The following ARB2A variants were observed in gnomAD, a reference collection of about 807,000 sequenced individuals.
ARB2A encodes cotranscriptional regulator ARB2A.
At chr5:93,829,186 C>T in the ARB2A span, among the ~76,000 whole-genome samples, 4 of 152,300 alleles carry the variant, frequency 2.6e-5, no homozygotes, top group Admixed American at 2.6e-4. Flanking sequence ...ATATCTTTCA[C>T]CATTGCCCTA....
At chr5:93,640,506 T>G in the ARB2A span, among the ~76,000 whole-genome samples, 4 of 151,834 alleles carry the variant, frequency 2.6e-5, no homozygotes, top group South Asian at 6.2e-4. Flanking sequence ...GATACTGAAC[T>G]CAATCCTAAA....
chr5:93,762,111 G>A, the ARB2A span, among the ~76,000 whole-genome samples: 6 of 152,184 alleles, frequency 3.9e-5, no homozygotes, highest in Admixed American at 3.3e-4. Flanking sequence ...AAGAAACAGA[G>A]CAGAAAAACT....
chr5:93,621,062 G>A, the ARB2A span: 1 of 1,612,314 alleles, frequency 6.2e-7, no homozygotes, highest in Admixed American at 1.7e-5. Flanking sequence ...TGGCCTCTGA[G>A]GCTTCGGTAA....
At chr5:93,740,966 A>G in the ARB2A span, 2 of 1,613,736 alleles carry the variant, frequency 1.2e-6, no homozygotes, top group Non-Finnish European at 1.7e-6. Flanking sequence ...TCCATTTTGC[A>G]TAAGCCCAGA....
chr5:93,794,632 G>A, the ARB2A span, among the ~76,000 whole-genome samples: 2 of 152,098 alleles, frequency 1.3e-5, no homozygotes, highest in East Asian at 1.9e-4. Context: ...GTGTTCTCCC[G>A]CTTCCCCTAA....
chr5:93,676,243 C>T, the ARB2A span, among the ~76,000 whole-genome samples: 1 of 152,078 alleles, frequency 6.6e-6, no homozygotes, highest in Admixed American at 6.5e-5. Context: ...AAAAAAAATG[C>T]TGTGTGACAC....
At chr5:93,793,379 C>T in the ARB2A span, among the ~76,000 whole-genome samples, 2 of 151,284 alleles carry the variant, frequency 1.3e-5, no homozygotes, top group African/African-American at 4.9e-5. Context: ...TCACTGCAGG[C>T]AGCCTACATC....
At chr5:93,694,508 A>T in the ARB2A span, among the ~76,000 whole-genome samples, 2 of 152,226 alleles carry the variant, frequency 1.3e-5, no homozygotes, top group South Asian at 4.1e-4. Flanking sequence ...TTCAAGGAGA[A>T]CTACAAACCA....
chr5:93,791,004 T>C, the ARB2A span, among the ~76,000 whole-genome samples: 1 of 152,198 alleles, frequency 6.6e-6, no homozygotes, highest in African/African-American at 2.4e-5. Context: ...TTGACATTCA[T>C]CTCTAATTTC....
the ARB2A span, among the ~76,000 whole-genome samples, chr5:93,785,305 A>G: frequency 6.6e-6 from 1 of 152,182 alleles, no homozygotes; most frequent in Non-Finnish European, 1.5e-5. Context: ...AGAAAGCTAT[A>G]AAAATTGCAG....
chr5:93,778,215 A>G, the ARB2A span, among the ~76,000 whole-genome samples: 1 of 152,230 alleles, frequency 6.6e-6, no homozygotes, highest in Admixed American at 6.5e-5. Flanking sequence ...ACACAATGTA[A>G]GAGTAGAAAC....
At chr5:93,622,016 T>C in the ARB2A span, among the ~76,000 whole-genome samples, 91 of 152,300 alleles carry the variant, frequency 6.0e-4, no homozygotes, top group African/African-American at 2.0e-3. Context: ...AATACTAATG[T>C]ACAGCATGTT....
At chr5:94,020,789 C>G in the ARB2A span, among the ~76,000 whole-genome samples, 3 of 152,162 alleles carry the variant, frequency 2.0e-5, no homozygotes, top group Non-Finnish European at 4.4e-5. Flanking sequence ...CCTTTGGGCT[C>G]TTATGATCCA....
chr5:93,734,508 T>C, the ARB2A span: 1 of 152,194 alleles, frequency 6.6e-6, no homozygotes, highest in Non-Finnish European at 1.5e-5. Flanking sequence ...TACAAAAACA[T>C]TATTCTGCTT....
chr5:93,908,750 C>G, the ARB2A span, among the ~76,000 whole-genome samples: 3 of 150,646 alleles, frequency 2.0e-5, no homozygotes, highest in East Asian at 5.8e-4. Flanking sequence ...CTAATAAATT[C>G]CATTTTTAGG....
the ARB2A span, chr5:93,861,733 T>G: frequency 2.0e-5 from 3 of 152,250 alleles, no homozygotes; most frequent in East Asian, 5.8e-4. Context: ...TACACTAACA[T>G]GCTCAGAGGC....
At chr5:93,688,629 A>T in the ARB2A span, among the ~76,000 whole-genome samples, 1 of 152,174 alleles carries the variant, frequency 6.6e-6, no homozygotes, top group South Asian at 2.1e-4. Flanking sequence ...AGCCTCAGCC[A>T]ATATATTTAA....
the ARB2A span, among the ~76,000 whole-genome samples, chr5:94,097,149 ACT>A: frequency 6.6e-6 from 1 of 152,152 alleles, no homozygotes; most frequent in Non-Finnish European, 1.5e-5. Context: ...TTTAGCATAT[ACT>A]GACTGTCAGG....
the ARB2A span, among the ~76,000 whole-genome samples, chr5:94,103,793 T>C: frequency 1.5e-5 from 1 of 67,250 alleles, no homozygotes; most frequent in Non-Finnish European, 2.6e-5. Context: ...TCTCAACAGA[T>C]TCAAAAAAAA....
Sources: gnomAD v4.1 joint callset for allele counts (sites outside exome capture counted in the v4.1 genomes callset) on GRCh38, gnomAD v4.1.1 for gene constraint, MANE v1.5 for transcripts, NCBI Gene and HGNC (gene_info 2026-07-23, HGNC 2026-07-21) for gene names.